CACNA1I: variants seen among roughly 807,000 people sequenced by gnomAD.
CACNA1I encodes calcium voltage-gated channel subunit alpha1 I, also known as voltage-dependent T-type calcium channel subunit alpha-1I.
A neutral mutation model predicts 201.6 loss-of-function variants in CACNA1I; 74 were observed. The ratio of observed to expected loss-of-function variants is 0.37; its 90% CI spans 0.30 to 0.45. CACNA1I has a LOEUF of 0.45. CACNA1I is among the 20% of genes least tolerant of loss of function. CACNA1I has a pLI of 1.00. For missense variants in CACNA1I, 2,346 were observed against 3,138.1 expected (o/e 0.75, Z 6.03); for synonymous variants, 1,431 against 1,345.2 (o/e 1.06, Z -1.40).
In CACNA1I at chr22:39,629,484, G is replaced by A; in HGVS notation, c.581-5081G>A. Among the ~76,000 whole-genome samples, 1 of 151,882 alleles carries A rather than the reference G, an allele frequency of 6.6e-6. No individual in the cohort carries two copies. Among genetic ancestry groups the A allele is most frequent in the Admixed American group, 6.6e-5 (1 of 15,266 alleles). On this transcript the variant is annotated intron_variant, in intron 4 of 36. Transcript: ENST00000402142. This position sits in a 1 kb window ranked among gnomAD's most constrained non-coding sequence, Gnocchi z 4.8. ...CCCCACTCCACTGCCATCATTATCTGGGCCCAGCCCCACCATCTTCCGGTT... is the reference window on the plus strand; with the variant it reads ...CCCCACTCCACTGCCATCATTATCTAGGCCCAGCCCCACCATCTTCCGGTT...
intron 18 of CACNA1I, 35 bp downstream of exon 18, chr22:39,662,911 T>C: frequency 1.5e-6 from 2 of 1,348,380 alleles, no homozygotes; most frequent in South Asian, 1.2e-5. Flanking sequence ...AGGGTTAGAG[T>C]AGGGGTAACG....
At chr22:39,672,841 G>A in intron 27 of CACNA1I, 108 bp from the exon 28 acceptor site, 1 of 1,247,676 alleles carries the variant, frequency 8.0e-7, no homozygotes. Context: ...AGCCTAATGG[G>A]CCACAATAGA....
intron 7 of CACNA1I, 112 bp from the exon 8 acceptor site, chr22:39,646,457 C>A: frequency 7.0e-7 from 1 of 1,437,208 alleles, no homozygotes; most frequent in Non-Finnish European, 9.2e-7. Context: ...CTCCCTCTGC[C>A]TCCCTCTCCC....
intron 1 of CACNA1I, among the ~76,000 whole-genome samples, chr22:39,591,938 T>C (rs1932827362): frequency 6.6e-6 from 1 of 152,192 alleles, no homozygotes; most frequent in Non-Finnish European, 1.5e-5. Context: ...ATTGTCACCA[T>C]TATTACCACC....
intron 27 of CACNA1I, among the ~76,000 whole-genome samples, 172 bp downstream of exon 27, chr22:39,672,480 T>G (rs1449964965): frequency 6.6e-6 from 1 of 152,168 alleles, no homozygotes; most frequent in African/African-American, 2.4e-5. Context: ...GAAATAATTA[T>G]GGTATCATCT....
At chr22:39,617,581 G>A (rs1319131144) in intron 3 of CACNA1I, among the ~76,000 whole-genome samples, 1 of 152,184 alleles carries the variant, frequency 6.6e-6, no homozygotes, top group Non-Finnish European at 1.5e-5. Context: ...GTGTGCCTGT[G>A]TGTGCCACCC....
At chr22:39,639,068 C>T (rs144829170) in intron 5 of CACNA1I, among the ~76,000 whole-genome samples, 17 of 152,264 alleles carry the variant, frequency 1.1e-4, no homozygotes, top group South Asian at 2.1e-4. Flanking sequence ...TTGTATGTTG[C>T]GAATACTTAA....
chr22:39,622,665 GC>G (rs1403488201), intron 4 of CACNA1I, among the ~76,000 whole-genome samples: 3 of 151,662 alleles, frequency 2.0e-5, no homozygotes, highest in Non-Finnish European at 4.4e-5. Flanking sequence ...ACAGGTGTGA[GC>G]GAATGGCCGG....
At chr22:39,637,942 T>A (rs1466131875) in intron 5 of CACNA1I, among the ~76,000 whole-genome samples, 1 of 148,522 alleles carries the variant, frequency 6.7e-6, no homozygotes, top group South Asian at 2.1e-4. Flanking sequence ...GAGTCAAGAT[T>A]TTTTTTTTTT....
chr22:39,663,702 C>T lies in CACNA1I; in HGVS notation c.3474-16C>T, dbSNP rs201738409. ...AGGCAGCTGACGCTCAGGCAGCCCC[C>T]GCCCACCCTGCCCAGGTTCCGGGTC... On this transcript the variant is annotated splice_polypyrimidine_tract_variant and intron_variant, in intron 18 of 36. Coordinates refer to ENST00000402142, the MANE Select transcript of CACNA1I (RefSeq NM_021096.4). The T allele has an allele frequency of 9.9e-4, 1,598 of 1,610,486 alleles. 13 individuals are homozygous for T. The highest frequency in any genetic ancestry group is 5.4e-3 in the South Asian group (492 of 90,956).
chr22:39,573,217 G>C (rs749329593), intron 1 of CACNA1I, among the ~76,000 whole-genome samples: 1 of 152,160 alleles, frequency 6.6e-6, no homozygotes, highest in Non-Finnish European at 1.5e-5. Flanking sequence ...CAATGTCTCA[G>C]GGGCCTTTCC....
chr22:39,585,945 C>T (rs1287640883), intron 1 of CACNA1I, among the ~76,000 whole-genome samples: 4 of 151,720 alleles, frequency 2.6e-5, no homozygotes, highest in Admixed American at 6.6e-5. Context: ...CTTTGGAGGC[C>T]GAGGTGGGTG....
At chr22:39,641,771 A>G (rs1250309786) in intron 6 of CACNA1I, among the ~76,000 whole-genome samples, 1 of 152,206 alleles carries the variant, frequency 6.6e-6, no homozygotes, top group Non-Finnish European at 1.5e-5. Context: ...CTGTCAGCCT[A>G]TACTCTGCAG....
At chr22:39,595,731 C>G (rs1222143437) in intron 1 of CACNA1I, among the ~76,000 whole-genome samples, 1 of 152,102 alleles carries the variant, frequency 6.6e-6, no homozygotes, top group Non-Finnish European at 1.5e-5. Context: ...GTACCGCACT[C>G]ATACCTAATT....
chr22:39,664,903 G>A lies in CACNA1I; in HGVS notation c.3831G>A (p.Leu1277=). The change falls in exon 21 of 37, where the codon CTG becomes CTA. Residue 1277 remains leucine (L), a synonymous_variant. Transcript: ENST00000402142. ...ILGVLRVLRL[L]RTLRPLRVIS... ...GGGTCCTCCGAGTCTTGCGGCTCCT[G>A]CGCACCCTACGCCCCCTGCGGTGAG... The A allele has an allele frequency of 6.2e-7, 1 of 1,612,430 alleles. No homozygotes were observed. Among genetic ancestry groups the A allele is most frequent in the Non-Finnish European group, 8.5e-7 (1 of 1,179,840 alleles).
At chr22:39,600,077 A>C (rs929701893) in intron 2 of CACNA1I, among the ~76,000 whole-genome samples, 1 of 152,180 alleles carries the variant, frequency 6.6e-6, no homozygotes, top group African/African-American at 2.4e-5. Context: ...CCTGTGGGGC[A>C]AGTTGCTTAA....
intron 1 of CACNA1I, chr22:39,587,661 C>G: frequency 2.4e-6 from 1 of 423,838 alleles, no homozygotes; most frequent in East Asian, 7.6e-5. Context: ...TTGGGCAAGG[C>G]TAAGGAACAG....
At chr22:39,590,297 T>C (rs144523768) in intron 1 of CACNA1I, among the ~76,000 whole-genome samples, 2,305 of 152,370 alleles carry the variant, frequency 0.015, 57 homozygotes, top group African/African-American at 0.052. Context: ...TTGATCCTCC[T>C]GGCTGGGGGA....
At chr22:39,672,102 T>C in intron 26 of CACNA1I, 97 bp from the exon 27 acceptor site, 1 of 727,606 alleles carries the variant, frequency 1.4e-6, no homozygotes, top group Non-Finnish European at 2.5e-6. Context: ...GTAAATGGAC[T>C]AAATTCTCTC....
Sources: allele counts gnomAD v4.1 joint callset (sites outside exome capture counted in the v4.1 genomes callset), GRCh38; gene constraint gnomAD v4.1.1; non-coding constraint Gnocchi (gnomAD v3.1); transcripts MANE v1.5; gene names NCBI Gene and HGNC (gene_info 2026-07-23, HGNC 2026-07-21).